GTF2H1: variants seen among roughly 807,000 people sequenced by gnomAD.
GTF2H1 encodes BTF2 p62.
GTF2H1 carries 16 observed loss-of-function variants against 71.2 expected under a neutral mutation model. The observed-to-expected ratio is 0.22, with a 90% CI of 0.15 to 0.34. The LOEUF is 0.34. GTF2H1 is among the 10% of genes least tolerant of loss of function. The pLI is 1.00. For missense variants in GTF2H1, 498 were observed against 648.2 expected, an observed-to-expected ratio of 0.77 and a Z score of 2.52; for synonymous variants, 215 against 219.0, an observed-to-expected ratio of 0.98 and a Z score of 0.16.
intron 14 of GTF2H1, among the ~76,000 whole-genome samples, chr11:18,363,238 G>A (rs995419794): frequency 2.0e-5 from 3 of 152,086 alleles, no homozygotes; most frequent in African/African-American, 7.2e-5. Context: ...ATAAGTAGGA[G>A]TACACCGTAA....
At chr11:18,353,772 A>G (rs887574950) in intron 11 of GTF2H1, among the ~76,000 whole-genome samples, 3 of 152,328 alleles carry the variant, frequency 2.0e-5, no homozygotes, top group East Asian at 1.9e-4. Context: ...ACAGAAAAAT[A>G]TGTTTTCCAA....
chr11:18,336,690 T>G (rs1865036102), intron 3 of GTF2H1, among the ~76,000 whole-genome samples: 1 of 152,158 alleles, frequency 6.6e-6, no homozygotes, highest in Non-Finnish European at 1.5e-5. Flanking sequence ...ATTGGAAGTA[T>G]GCTTATGAAC....
Position 18,322,645 on chromosome 11 carries a change from G to A in GTF2H1, c.-111G>A, listed in dbSNP as rs960016397. The stretch of plus-strand genomic sequence containing the variant: ...GCTACTGCTGCGGCCACTGGGTTTC[G>A]GCCTCTTCCCAGCAGCGGCTCTAAG... On this transcript the variant is annotated 5_prime_UTR_variant, in exon 1 of 15. Transcript: ENST00000265963. 1.3e-5 allele frequency: 2 copies of A among 152,266 alleles called. No homozygotes were observed. Among genetic ancestry groups the A allele is most frequent in the African/African-American group, 2.4e-5 (1 of 41,450 alleles). The allele number at this position is 152,266 out of a possible 1,614,324, so 9.4% of individuals were successfully genotyped here. A position where few individuals can be genotyped will look rare whatever the true frequency, so the allele number is the denominator to read the frequency against.
At chr11:18,334,102 G>A (rs747878240) in intron 2 of GTF2H1, among the ~76,000 whole-genome samples, 12 of 152,094 alleles carry the variant, frequency 7.9e-5, no homozygotes, top group Non-Finnish European at 1.2e-4. Flanking sequence ...ATTAAGGGCC[G>A]GGCGCGGTGG....
At chr11:18,358,431 A>T in intron 12 of GTF2H1, 94 bp from the exon 13 acceptor site, 1 of 706,820 alleles carries the variant, frequency 1.4e-6, no homozygotes, top group Non-Finnish European at 2.5e-6. Flanking sequence ...GACAAAGAGT[A>T]CACATTCAAA....
intron 5 of GTF2H1, among the ~76,000 whole-genome samples, chr11:18,340,854 T>C (rs1300274475): frequency 6.6e-6 from 1 of 152,152 alleles, no homozygotes; most frequent in Non-Finnish European, 1.5e-5. Context: ...CTATGCTTGC[T>C]AGTGTGTAAG....
Position 18,347,906 on chromosome 11 carries a change from C to T in GTF2H1, c.1040C>T (p.Pro347Leu). The T allele has an allele frequency of 6.2e-7, 1 of 1,612,458 alleles. No homozygotes were observed. The highest frequency in any genetic ancestry group is 8.5e-7 in the Non-Finnish European group (1 of 1,178,490). Residue 347 changes from proline to leucine, a missense_variant, in exon 9 of 15, where the codon CCA becomes CTA. Pro to Leu is a moderately conservative substitution (Grantham distance 98). This residue lies in a region of GTF2H1 where 266 missense variants were observed against 301.6 expected (regional missense o/e 0.88). Coordinates refer to ENST00000265963, the MANE Select transcript of GTF2H1 (RefSeq NM_005316.4). ...TCCGGAGATGCAGACTGCTTTCAGC[C>T]AGCAGTCAAAAGGGTATGGGCAAAA... The part of the protein sequence containing the change: ...GNSGDADCFQ[P>L]AVKRAKLQES...
chr11:18,357,885 A>C, intron 11 of GTF2H1, 67 bp from the exon 12 acceptor site: 2 of 887,874 alleles, frequency 2.3e-6, no homozygotes, highest in Non-Finnish European at 3.7e-6. Flanking sequence ...TAAAATGTTA[A>C]GAAAGAGAGG....
At position 18,346,733 on chromosome 11, in the gene GTF2H1, CTTTTT is replaced by C. The variant is rs35494754; in HGVS notation, c.838-837_838-833del. 3.8e-4 allele frequency among the ~76,000 whole-genome samples: 32 copies of C among 85,224 alleles called. No homozygotes were observed. In the Admixed American group the frequency reaches 5.0e-3, roughly 13 times the overall value. 55.9% of individuals were successfully genotyped at this position (85,224 alleles called of 152,430 possible). A position where few individuals can be genotyped will look rare whatever the true frequency, so the allele number is the denominator to read the frequency against. On this transcript the variant is annotated intron_variant, in intron 7 of 14. Coordinates refer to ENST00000265963, the MANE Select transcript of GTF2H1 (RefSeq NM_005316.4). ...CACTATATTCTATTCTTTTTATTTA[CTTTTT>C]TTTTTTTTTTTTTTTTTGAGACAGT...
At chr11:18,349,555 C>T (rs1476321513) in intron 9 of GTF2H1, among the ~76,000 whole-genome samples, 2 of 152,100 alleles carry the variant, frequency 1.3e-5, no homozygotes, top group Non-Finnish European at 2.9e-5. Context: ...TGGTGACGTG[C>T]GCCTGTAATT....
chr11:18,359,674 T>C (rs1255257411), intron 13 of GTF2H1, among the ~76,000 whole-genome samples: 1 of 152,162 alleles, frequency 6.6e-6, no homozygotes, highest in Non-Finnish European at 1.5e-5. Context: ...TAGAGAAGCA[T>C]TTGGTATATT....
intron 12 of GTF2H1, 140 bp from the exon 13 acceptor site, chr11:18,358,385 A>C (rs926249358): frequency 1.7e-6 from 1 of 579,926 alleles, no homozygotes; most frequent in African/African-American, 1.9e-5. Flanking sequence ...CAAAATTACT[A>C]ACTTATCTGA....
intron 8 of GTF2H1, 30 bp from the exon 9 acceptor site, chr11:18,347,802 C>A: frequency 3.1e-6 from 5 of 1,593,140 alleles, no homozygotes; most frequent in Non-Finnish European, 4.3e-6. Context: ...TGGTTTTTAA[C>A]GTTAACTTTT....
intron 1 of GTF2H1, among the ~76,000 whole-genome samples, chr11:18,332,115 A>G (rs939108982): frequency 6.6e-6 from 1 of 152,174 alleles, no homozygotes; most frequent in African/African-American, 2.4e-5. Flanking sequence ...GGTGTAAGCC[A>G]CATCACTTGG....
At chr11:18,329,365 C>T (rs1864842539) in intron 1 of GTF2H1, among the ~76,000 whole-genome samples, 1 of 152,162 alleles carries the variant, frequency 6.6e-6, no homozygotes, top group Non-Finnish European at 1.5e-5. Context: ...TCATTAATTT[C>T]TGAAAATGGT....
At chr11:18,336,352 TC>T (rs1209692903) in intron 3 of GTF2H1, among the ~76,000 whole-genome samples, 1 of 152,048 alleles carries the variant, frequency 6.6e-6, no homozygotes, top group Non-Finnish European at 1.5e-5. Context: ...GTCTCGAACT[TC>T]CTGACCGCCA....
intron 7 of GTF2H1, among the ~76,000 whole-genome samples, chr11:18,345,795 A>G (rs1267516316): frequency 7.1e-5 from 3 of 42,384 alleles, no homozygotes; most frequent in Non-Finnish European, 1.6e-4. Context: ...AGCACATATG[A>G]GTTTTTTTTT....
intron 7 of GTF2H1, 121 bp downstream of exon 7, chr11:18,341,728 T>G: frequency 1.7e-6 from 1 of 601,316 alleles, no homozygotes; most frequent in Non-Finnish European, 2.9e-6. Context: ...TACTGTTACT[T>G]GAAGTGATTT....
intron 14 of GTF2H1, among the ~76,000 whole-genome samples, chr11:18,361,632 G>A (rs891842245): frequency 6.6e-6 from 1 of 152,164 alleles, no homozygotes; most frequent in Non-Finnish European, 1.5e-5. Flanking sequence ...TCATGCCACC[G>A]CACTCCAGCC....
Sources: gnomAD v4.1 joint callset for allele counts (sites outside exome capture counted in the v4.1 genomes callset) on GRCh38, gnomAD v4.1.1 for gene constraint, gnomAD v4.1.1 regional missense constraint, MANE v1.5 for transcripts, NCBI Gene and HGNC (gene_info 2026-07-23, HGNC 2026-07-21) for gene names.